Variants in RABGAP1L observed in about 807,000 individuals in gnomAD.
The protein encoded by RABGAP1L is RAB GTPase activating protein 1 like, also known as rab GTPase-activating protein 1-like.
RABGAP1L carries 63 observed loss-of-function variants against 137.7 expected under a neutral mutation model. That is an observed-to-expected ratio of 0.46 (90% confidence interval 0.37 to 0.56). RABGAP1L has a LOEUF of 0.56. Ranked by LOEUF, RABGAP1L falls within the 20% of genes least tolerant of loss-of-function variation. The probability of loss-of-function intolerance (pLI) is 0.00; values close to 1 mark genes in which losing one functional copy is unlikely to be tolerated. For missense variants in RABGAP1L, 1,095 were observed against 1,244.0 expected (o/e 0.88, Z 1.80); for synonymous variants, 431 against 433.7 (o/e 0.99, Z 0.08).
intron 19 of RABGAP1L, among the ~76,000 whole-genome samples, chr1:174,934,637 A>C (rs1263643348): frequency 6.6e-6 from 1 of 151,856 alleles, no homozygotes; most frequent in South Asian, 2.1e-4. Context: ...AAAAAAATAC[A>C]AAAAATAGCT....
intron 7 of RABGAP1L, among the ~76,000 whole-genome samples, chr1:174,268,361 G>A (rs532404587): frequency 2.0e-5 from 3 of 151,852 alleles, no homozygotes; most frequent in Non-Finnish European, 2.9e-5. Flanking sequence ...CACTACGCCC[G>A]GCTAATTTTT....
rs928359981 is a variant in RABGAP1L at position 174,991,717 on chromosome 1, C to A, written c.*1716C>A. 2.0e-5 allele frequency: 3 copies of A among 151,694 alleles called. No individual in the cohort carries two copies. The highest frequency in any genetic ancestry group is 1.9e-4 in the East Asian group (1 of 5,184). The allele number at this position is 151,694 out of a possible 1,614,324, so 9.4% of individuals were successfully genotyped here. On this transcript the variant is annotated 3_prime_UTR_variant, in exon 26 of 26. Coordinates refer to ENST00000681986, the MANE Select transcript of RABGAP1L (RefSeq NM_001366446.1). ...CTTAACAAAAAGGAACATAACCCAG[C>A]ATTCCAAGTGTCTGTGTTGGCTTTA...
intron 17 of RABGAP1L, among the ~76,000 whole-genome samples, chr1:174,734,361 G>T (rs963155352): frequency 1.3e-5 from 2 of 152,116 alleles, no homozygotes; most frequent in African/African-American, 4.8e-5. Context: ...AGAGCAAAAG[G>T]TAGTTCAGTA....
intron 19 of RABGAP1L, among the ~76,000 whole-genome samples, chr1:174,822,401 C>T (rs549805323): frequency 6.6e-6 from 1 of 152,310 alleles, no homozygotes; most frequent in South Asian, 2.1e-4. Flanking sequence ...TCCCAGTGAG[C>T]AGGGAACATG....
In RABGAP1L at chr1:174,871,453, A is replaced by G. The variant is rs191742207; in HGVS notation, c.2340+59493A>G. On this transcript the variant is annotated intron_variant, in intron 19 of 25. Transcript: ENST00000681986. ...GGCCTGAGTTGCTTTTTTAAAATAA[A>G]TAAAGATTTAATTCACATACCATCA... Among the ~76,000 whole-genome samples the G allele has an allele frequency of 3.6e-3, 550 of 152,342 alleles. 4 individuals are homozygous for G. The highest frequency in any genetic ancestry group is 5.7e-3 in the Non-Finnish European group (385 of 68,038).
chr1:174,595,899 T>C (rs1173495659), intron 13 of RABGAP1L, among the ~76,000 whole-genome samples: 1 of 99,396 alleles, frequency 1.0e-5, no homozygotes, highest in Non-Finnish European at 2.0e-5. Flanking sequence ...CGAGCTTCCC[T>C]GCTGCTTTGT....
At chr1:174,357,290 A>G (rs1683722383) in intron 11 of RABGAP1L, among the ~76,000 whole-genome samples, 1 of 152,210 alleles carries the variant, frequency 6.6e-6, no homozygotes, top group Admixed American at 6.5e-5. Context: ...TTGATCAGTC[A>G]CATCCCCAAA....
At chr1:174,294,404 C>T (rs1325149459) in intron 10 of RABGAP1L, among the ~76,000 whole-genome samples, 3 of 152,152 alleles carry the variant, frequency 2.0e-5, no homozygotes, top group Admixed American at 6.5e-5. Context: ...CTTCATAAAT[C>T]TCTGATCCAA....
At chr1:174,987,682 A>G (rs1478967214) in intron 24 of RABGAP1L, among the ~76,000 whole-genome samples, 3 of 152,196 alleles carry the variant, frequency 2.0e-5, no homozygotes, top group Non-Finnish European at 4.4e-5. Context: ...ATAGCATGTA[A>G]TATCTTTTAT....
intron 19 of RABGAP1L, among the ~76,000 whole-genome samples, chr1:174,946,917 A>ATATATATATATATAT (rs1252382067): frequency 1.7e-5 from 1 of 59,810 alleles, no homozygotes; most frequent in African/African-American, 9.2e-5. Flanking sequence ...AAAAAAAAAA[A>ATATATATATATATAT]ATATATATAT....
chr1:174,756,469 A>T (rs80263861), intron 18 of RABGAP1L, among the ~76,000 whole-genome samples: 12,729 of 150,616 alleles, frequency 0.085, 709 homozygotes, highest in East Asian at 0.24. Flanking sequence ...ATATATATAT[A>T]TTTTTTTTTG....
chr1:174,344,266 G>A (rs931949377), intron 11 of RABGAP1L, among the ~76,000 whole-genome samples: 2 of 152,216 alleles, frequency 1.3e-5, no homozygotes, highest in Admixed American at 1.3e-4. Flanking sequence ...AACAACAATA[G>A]GAGTTAGCTT....
intron 17 of RABGAP1L, among the ~76,000 whole-genome samples, chr1:174,709,785 C>T (rs1030450715): frequency 1.3e-5 from 2 of 152,194 alleles, no homozygotes; most frequent in Non-Finnish European, 2.9e-5. Context: ...AGGATCACAG[C>T]TCCTTGCCAG....
chr1:174,468,562 T>C (rs891862141), intron 13 of RABGAP1L, among the ~76,000 whole-genome samples: 1 of 152,236 alleles, frequency 6.6e-6, no homozygotes, highest in African/African-American at 2.4e-5. Context: ...ACTTTCCATA[T>C]GACAGCGTGG....
chr1:174,989,798 G>T, intron 25 of RABGAP1L, 51 bp from the exon 26 acceptor site: 2 of 1,522,376 alleles, frequency 1.3e-6, no homozygotes, highest in South Asian at 1.2e-5. Flanking sequence ...TTTATTTATT[G>T]GCAAAGAGAA....
intron 11 of RABGAP1L, among the ~76,000 whole-genome samples, chr1:174,360,327 G>T (rs926183620): frequency 1.3e-5 from 2 of 152,026 alleles, no homozygotes; most frequent in African/African-American, 4.8e-5. Flanking sequence ...AGAAATAAAA[G>T]AAGTATTCTC....
intron 1 of RABGAP1L, among the ~76,000 whole-genome samples, chr1:174,181,838 G>A (rs1376739512): frequency 6.6e-6 from 1 of 152,190 alleles, no homozygotes; most frequent in African/African-American, 2.4e-5. Flanking sequence ...ACAGAAAGAA[G>A]GGAGGTGGGT....
At chr1:174,517,012 TC>T (rs1160748643) in intron 13 of RABGAP1L, among the ~76,000 whole-genome samples, 8 of 151,810 alleles carry the variant, frequency 5.3e-5, no homozygotes, top group African/African-American at 1.9e-4. Context: ...GTTAATATAG[TC>T]CTGTATTCAA....
At chr1:174,913,131 A>G (rs1660317982) in intron 19 of RABGAP1L, among the ~76,000 whole-genome samples, 1 of 152,064 alleles carries the variant, frequency 6.6e-6, no homozygotes, top group South Asian at 2.1e-4. Context: ...GTATGCCACC[A>G]CGCCTGGCTA....
Sources: gnomAD v4.1 joint callset for allele counts (sites outside exome capture counted in the v4.1 genomes callset) on GRCh38, gnomAD v4.1.1 for gene constraint, MANE v1.5 for transcripts, NCBI Gene and HGNC (gene_info 2026-07-23, HGNC 2026-07-21) for gene names.